Variants in SHQ1 observed in about 807,000 individuals in gnomAD.
SHQ1 encodes protein SHQ1 homolog.
A neutral mutation model predicts 53.8 loss-of-function variants in SHQ1; 49 were observed. That is an observed-to-expected ratio of 0.91 (90% confidence interval 0.72 to 1.16). The LOEUF (loss-of-function observed/expected upper bound fraction) is 1.16. Among genes scored for constraint, SHQ1 ranks in the 50% most tolerant of loss-of-function variants. The pLI is 0.00. For synonymous variants in SHQ1, 243 were observed against 251.0 expected, an observed-to-expected ratio of 0.97 and a Z score of 0.30; for missense variants, 738 against 683.1, an observed-to-expected ratio of 1.08 and a Z score of -0.90.
At chr3:72,729,449 A>G in the SHQ1 span, among the ~76,000 whole-genome samples, 1 of 152,222 alleles carries the variant, frequency 6.6e-6, no homozygotes, top group Non-Finnish European at 1.5e-5. Flanking sequence ...ATTACCCACC[A>G]GGAAACACAC....
the SHQ1 span, among the ~76,000 whole-genome samples, chr3:72,737,909 A>G: frequency 9.9e-3 from 1,509 of 152,278 alleles, 13 homozygotes; most frequent in Non-Finnish European, 0.015. Flanking sequence ...TTCAATTACT[A>G]TGGATAGTGA....
chr3:72,771,269 A>C (rs1387804079), intron 10 of SHQ1, among the ~76,000 whole-genome samples: 1 of 152,194 alleles, frequency 6.6e-6, no homozygotes, highest in African/African-American at 2.4e-5. Flanking sequence ...ATTAGATTTC[A>C]AGAGTCAAGT....
intron 2 of SHQ1, 77 bp from the exon 3 acceptor site, chr3:72,842,479 A>G: frequency 6.6e-6 from 9 of 1,371,900 alleles, no homozygotes; most frequent in Non-Finnish European, 9.0e-6. Context: ...CAGTAATCCC[A>G]ATACTCTGGC....
At chr3:72,777,389 A>C (rs1323407125) in intron 10 of SHQ1, among the ~76,000 whole-genome samples, 2 of 152,256 alleles carry the variant, frequency 1.3e-5, no homozygotes, top group Non-Finnish European at 2.9e-5. Context: ...GGGATACAAT[A>C]GACAGACATT....
chr3:72,762,955 C>G (rs1381122049), intron 10 of SHQ1, among the ~76,000 whole-genome samples: 3 of 135,834 alleles, frequency 2.2e-5, no homozygotes, highest in African/African-American at 5.7e-5. Context: ...GATGAGCCAC[C>G]AAGCCCGGCC....
intron 10 of SHQ1, among the ~76,000 whole-genome samples, chr3:72,789,081 T>TAAAAAAAAAA (rs1205170855): frequency 4.9e-5 from 3 of 61,704 alleles, no homozygotes; most frequent in Non-Finnish European, 1.0e-4. Context: ...CAATAAACAC[T>TAAAAAAAAAA]AAAAAAAAAA....
In SHQ1 at chr3:72,750,801, T is replaced by C; in HGVS notation, c.1217A>G (p.Lys406Arg). 2 of 1,533,064 alleles carry C rather than the reference T, an allele frequency of 1.3e-6. No individual in the cohort carries two copies. The allele number at this position is 1,533,064 out of a possible 1,614,324, so 95.0% of individuals were successfully genotyped here. ...CTGGGCCTTTGTAAGGGAGACTTCC[T>C]TTAAGGCTTCTGCAAGAGCTGCCAA... ...KKLAALAEALKEVSLTKAQLG... is the reference protein window; with the variant it reads ...KKLAALAEALREVSLTKAQLG... The change falls in exon 11 of 11, where the codon AAG becomes AGG. Residue 406 changes from lysine (K) to arginine (R), a missense_variant. Physicochemically the swap from Lys to Arg is conservative, Grantham distance 26 (BLOSUM62 2). Coordinates refer to ENST00000325599, the MANE Select transcript of SHQ1 (RefSeq NM_018130.3).
At chr3:72,846,354 G>C (rs1051276886) in intron 1 of SHQ1, 7 of 1,503,328 alleles carry the variant, frequency 4.7e-6, no homozygotes, top group Non-Finnish European at 6.2e-6. Flanking sequence ...GAGTGCGATA[G>C]CGCAATCTTG....
At chr3:72,765,283 A>C (rs1328291463) in intron 10 of SHQ1, among the ~76,000 whole-genome samples, 1 of 151,654 alleles carries the variant, frequency 6.6e-6, no homozygotes, top group African/African-American at 2.4e-5. Flanking sequence ...CCCTGAACCC[A>C]TTTCTGTCCA....
At chr3:72,847,360 G>C (rs563013141) in intron 1 of SHQ1, among the ~76,000 whole-genome samples, 1 of 152,154 alleles carries the variant, frequency 6.6e-6, no homozygotes, top group African/African-American at 2.4e-5. Flanking sequence ...TGGATAAAGA[G>C]AAGGACAAGA....
chr3:72,805,316 G>A (rs892297935), intron 9 of SHQ1, among the ~76,000 whole-genome samples: 1 of 152,114 alleles, frequency 6.6e-6, no homozygotes, highest in African/African-American at 2.4e-5. Flanking sequence ...AAAACATAAA[G>A]TATTATTCAA....
At chr3:72,762,394 T>G (rs1442809226) in intron 10 of SHQ1, among the ~76,000 whole-genome samples, 3 of 152,194 alleles carry the variant, frequency 2.0e-5, no homozygotes, top group Admixed American at 2.0e-4. Context: ...TTGCAACTGT[T>G]TTACATTTTT....
chr3:72,800,676 A>G (rs1183394012), intron 9 of SHQ1, among the ~76,000 whole-genome samples: 1 of 152,232 alleles, frequency 6.6e-6, no homozygotes, highest in Non-Finnish European at 1.5e-5. Context: ...TCCAGTCTGG[A>G]GTACAAAGAA....
At chr3:72,751,508 G>GTATATATATATATATATATATA (rs371779807) in intron 10 of SHQ1, among the ~76,000 whole-genome samples, 2 of 116,984 alleles carry the variant, frequency 1.7e-5, no homozygotes, top group African/African-American at 8.9e-5. Context: ...GTGTGTGTGT[G>GTATATATATATATATATATATA]TATATATATA....
At chr3:72,797,074 A>G (rs909917202) in intron 9 of SHQ1, among the ~76,000 whole-genome samples, 4 of 152,114 alleles carry the variant, frequency 2.6e-5, no homozygotes, top group Admixed American at 6.5e-5. Context: ...CCTGGCCAAC[A>G]TGGTGAAACC....
chr3:72,769,939 G>A lies in SHQ1; in HGVS notation c.1182-19103C>T, dbSNP rs541307173. On this transcript the variant is annotated intron_variant, in intron 10 of 10. Coordinates refer to ENST00000325599, the MANE Select transcript of SHQ1 (RefSeq NM_018130.3). ...TCTCTGAGCCTCAATTTCCCTAATT[G>A]TAACCTGGGGTGATAACAAAATGAG... Among the ~76,000 whole-genome samples the A allele has an allele frequency of 5.9e-5, 9 of 152,300 alleles. No homozygotes were observed. In the East Asian group the frequency reaches 1.7e-3, roughly 29 times the overall value.
the SHQ1 span, among the ~76,000 whole-genome samples, chr3:72,733,029 T>C: frequency 6.6e-6 from 1 of 151,614 alleles, no homozygotes; most frequent in African/African-American, 2.4e-5. Context: ...GTGGGGGTGC[T>C]GAGCAGAGGC....
intron 10 of SHQ1, among the ~76,000 whole-genome samples, chr3:72,763,165 C>A (rs1235001115): frequency 6.6e-6 from 1 of 151,968 alleles, no homozygotes; most frequent in African/African-American, 2.4e-5. Flanking sequence ...GTAAAAAACA[C>A]CTTTGTAGGA....
At chr3:72,767,573 A>C (rs1181839268) in intron 10 of SHQ1, among the ~76,000 whole-genome samples, 1 of 152,198 alleles carries the variant, frequency 6.6e-6, no homozygotes, top group Admixed American at 6.5e-5. Context: ...AACCCTCAAC[A>C]ATTAGGACTC....
Sources: allele counts gnomAD v4.1 joint callset (sites outside exome capture counted in the v4.1 genomes callset), GRCh38; gene constraint gnomAD v4.1.1; transcripts MANE v1.5; gene names NCBI Gene and HGNC (gene_info 2026-07-23, HGNC 2026-07-21).